RALGAPA1: variants seen among roughly 807,000 people sequenced by gnomAD.
RALGAPA1 encodes ral GTPase-activating protein subunit alpha-1.
In RALGAPA1, 52 loss-of-function variants were observed where a neutral mutation model predicts 269.6. The ratio of observed to expected loss-of-function variants is 0.19; its 90% CI spans 0.15 to 0.24. RALGAPA1 has a LOEUF of 0.24. Among genes scored for constraint, RALGAPA1 ranks in the 10% least tolerant of loss-of-function variants. The pLI, the probability that RALGAPA1 is intolerant of heterozygous loss-of-function variation, is 1.00. For synonymous variants in RALGAPA1, 817 were observed against 1,008.3 expected (o/e 0.81, Z 3.60); for missense variants, 1,917 against 3,013.9 (o/e 0.64, Z 8.52).
intron 1 of RALGAPA1, among the ~76,000 whole-genome samples, chr14:35,780,842 A>T (rs899038976): frequency 6.6e-6 from 1 of 152,182 alleles, no homozygotes; most frequent in African/African-American, 2.4e-5. Context: ...CTGTAATCCC[A>T]ACCCTTTGGA....
chr14:35,622,399 G>A (rs2060691201), intron 35 of RALGAPA1, among the ~76,000 whole-genome samples: 1 of 152,174 alleles, frequency 6.6e-6, no homozygotes, highest in South Asian at 2.1e-4. Flanking sequence ...AGAATTAGGA[G>A]AAATACCTAA....
At chr14:35,724,934 C>G in intron 14 of RALGAPA1, 90 bp downstream of exon 14, 4 of 1,047,928 alleles carry the variant, frequency 3.8e-6, no homozygotes, top group Non-Finnish European at 5.1e-6. Flanking sequence ...GTTCAGGGTT[C>G]AATGAATTTT....
chr14:35,683,076 G>A (rs1264686396), intron 21 of RALGAPA1, among the ~76,000 whole-genome samples: 1 of 152,184 alleles, frequency 6.6e-6, no homozygotes, highest in Non-Finnish European at 1.5e-5. Context: ...GGATAATTAA[G>A]CTGGAGTGGA....
chr14:35,641,622 A>G (rs1000257602), intron 31 of RALGAPA1, among the ~76,000 whole-genome samples: 13 of 152,378 alleles, frequency 8.5e-5, no homozygotes, highest in African/African-American at 3.1e-4. Context: ...AAGCTATTCC[A>G]TGTTCATGTA....
At chr14:35,796,427 T>C (rs2076565709) in intron 1 of RALGAPA1, among the ~76,000 whole-genome samples, 1 of 152,110 alleles carries the variant, frequency 6.6e-6, no homozygotes, top group African/African-American at 2.4e-5. Flanking sequence ...CCTAATACGG[T>C]AGTAAATGGA....
rs957821712 is a variant in RALGAPA1 at position 35,809,004 on chromosome 14, G to C, written c.-169C>G. 1.5e-5 allele frequency: 20 copies of C among 1,322,320 alleles called. No homozygotes were observed. In the African/African-American group the frequency reaches 1.9e-4, roughly 13 times the overall value. 81.9% of individuals were successfully genotyped at this position (1,322,320 alleles called of 1,614,324 possible). Reference sequence around the variant, plus strand: ...CTCCTTCCCGATCCAGGCCAGGGCCGCCACCTCCACCCGCCTCGCGCCGCG... The same window carrying C: ...CTCCTTCCCGATCCAGGCCAGGGCCCCCACCTCCACCCGCCTCGCGCCGCG... On this transcript the variant is annotated 5_prime_UTR_variant, in exon 1 of 42. Transcript: ENST00000680220.
intron 31 of RALGAPA1, among the ~76,000 whole-genome samples, chr14:35,637,817 C>T (rs1284035836): frequency 6.6e-6 from 1 of 151,924 alleles, no homozygotes; most frequent in Non-Finnish European, 1.5e-5. Flanking sequence ...ATAAAAGCAG[C>T]AAGATAAAAG....
chr14:35,646,945 T>C (rs977023846), intron 31 of RALGAPA1, among the ~76,000 whole-genome samples: 5 of 152,334 alleles, frequency 3.3e-5, no homozygotes, highest in Admixed American at 1.3e-4. Flanking sequence ...CTTGAAATTA[T>C]GTTAAAAGAA....
intron 35 of RALGAPA1, among the ~76,000 whole-genome samples, chr14:35,622,701 T>C (rs904369434): frequency 1.3e-5 from 2 of 152,214 alleles, no homozygotes; most frequent in African/African-American, 2.4e-5. Flanking sequence ...AGACTGTTTT[T>C]CAACATTCAA....
At chr14:35,613,578 T>C (rs1259692048) in intron 35 of RALGAPA1, among the ~76,000 whole-genome samples, 1 of 152,226 alleles carries the variant, frequency 6.6e-6, no homozygotes, top group Non-Finnish European at 1.5e-5. Context: ...CTTCCTTGCC[T>C]CTTCTAAGAT....
chr14:35,556,460 T>C (rs182068176), intron 39 of RALGAPA1, among the ~76,000 whole-genome samples: 1 of 152,258 alleles, frequency 6.6e-6, no homozygotes, highest in Non-Finnish European at 1.5e-5. Context: ...TCACATGTAG[T>C]AAAAAATAAA....
intron 37 of RALGAPA1, among the ~76,000 whole-genome samples, chr14:35,592,117 T>A (rs2058677485): frequency 6.6e-6 from 1 of 152,210 alleles, no homozygotes; most frequent in African/African-American, 2.4e-5. Flanking sequence ...CAGACTAATA[T>A]ATCCCTATTT....
chr14:35,545,055 C>T (rs1485142807), intron 41 of RALGAPA1, among the ~76,000 whole-genome samples: 1 of 152,008 alleles, frequency 6.6e-6, no homozygotes, highest in Non-Finnish European at 1.5e-5. Flanking sequence ...AAAACCAAAC[C>T]ATTAAATAAA....
chr14:35,724,898 T>C (rs1320617176), intron 14 of RALGAPA1, 126 bp downstream of exon 14: 3 of 719,394 alleles, frequency 4.2e-6, no homozygotes, highest in African/African-American at 3.7e-5. Context: ...TAATCTCTAA[T>C]TTAAAACTTT....
intron 3 of RALGAPA1, among the ~76,000 whole-genome samples, chr14:35,774,125 C>T (rs1595510354): frequency 1.3e-5 from 2 of 152,164 alleles, no homozygotes; most frequent in Admixed American, 1.3e-4. Flanking sequence ...TGCAGTGTTG[C>T]CCAGGCTGGT....
chr14:35,676,236 T>C (rs1217916110), intron 22 of RALGAPA1: 1 of 151,780 alleles, frequency 6.6e-6, no homozygotes, highest in Non-Finnish European at 1.5e-5. Flanking sequence ...TTTGAGACAG[T>C]CTCACTCTGT....
chr14:35,644,890 T>G (rs758217689), intron 31 of RALGAPA1, among the ~76,000 whole-genome samples: 1 of 152,188 alleles, frequency 6.6e-6, no homozygotes, highest in Admixed American at 6.5e-5. Context: ...ATTCTGCACA[T>G]GTATCCTGGA....
intron 39 of RALGAPA1, among the ~76,000 whole-genome samples, chr14:35,558,954 T>G (rs1342052971): frequency 1.3e-5 from 2 of 152,186 alleles, no homozygotes; most frequent in African/African-American, 4.8e-5. Context: ...ATGCCAACCC[T>G]GATGGCCCCA....
intron 12 of RALGAPA1, among the ~76,000 whole-genome samples, chr14:35,736,275 G>A (rs1367115817): frequency 1.3e-5 from 2 of 152,090 alleles, no homozygotes; most frequent in African/African-American, 2.4e-5. Flanking sequence ...GAAGACTGCA[G>A]GAAAAGCACT....
Sources: allele counts gnomAD v4.1 joint callset (sites outside exome capture counted in the v4.1 genomes callset), GRCh38; gene constraint gnomAD v4.1.1; transcripts MANE v1.5; gene names NCBI Gene and HGNC (gene_info 2026-07-23, HGNC 2026-07-21).